The following FBXO34 variants were observed in gnomAD, a reference collection of about 807,000 sequenced individuals.
FBXO34 encodes F-box protein 34.
A neutral mutation model predicts 24.5 loss-of-function variants in FBXO34; 12 were observed. That is an observed-to-expected ratio of 0.49 (90% CI 0.31 to 0.79). The LOEUF (loss-of-function observed/expected upper bound fraction) is 0.79. Ranked by LOEUF, FBXO34 falls within the 30% of genes least tolerant of loss-of-function variation. The probability of loss-of-function intolerance (pLI) is 0.04; values close to 1 mark genes in which losing one functional copy is unlikely to be tolerated. For synonymous variants in FBXO34, 320 were observed against 311.9 expected, an observed-to-expected ratio of 1.03 and a Z score of -0.27; for missense variants, 823 against 857.7, an observed-to-expected ratio of 0.96 and a Z score of 0.51.
At chr14:55,348,289 T>C (rs1373184463) in intron 1 of FBXO34, among the ~76,000 whole-genome samples, 1 of 152,036 alleles carries the variant, frequency 6.6e-6, no homozygotes, top group East Asian at 1.9e-4. Flanking sequence ...AGTATAGCAG[T>C]GTGATCATAG....
At chr14:55,276,821 C>T (rs933358417) in intron 1 of FBXO34, among the ~76,000 whole-genome samples, 3 of 152,250 alleles carry the variant, frequency 2.0e-5, no homozygotes, top group Non-Finnish European at 2.9e-5. Context: ...ATATAGCTTC[C>T]CACAGTATCT....
the FBXO34 span, chr14:55,382,093 C>T: frequency 6.8e-6 from 11 of 1,614,136 alleles, no homozygotes; most frequent in South Asian, 1.1e-5. Flanking sequence ...ACAGACCCAT[C>T]GTCCTGAGAG....
At chr14:55,342,384 A>G (rs1884021491) in intron 1 of FBXO34, among the ~76,000 whole-genome samples, 1 of 152,210 alleles carries the variant, frequency 6.6e-6, no homozygotes, top group Non-Finnish European at 1.5e-5. Context: ...CCCAGTCCTC[A>G]TAAGGCAAAA....
chr14:55,322,989 C>T (rs770569655), intron 1 of FBXO34, among the ~76,000 whole-genome samples: 47 of 133,748 alleles, frequency 3.5e-4, no homozygotes, highest in Admixed American at 7.8e-4. Context: ...CCGGCTAACA[C>T]GGTGAAACCC....
chr14:55,310,905 AACTT>A (rs1170472561), intron 1 of FBXO34, among the ~76,000 whole-genome samples: 1 of 152,156 alleles, frequency 6.6e-6, no homozygotes, highest in Non-Finnish European at 1.5e-5. Flanking sequence ...TGACCACACT[AACTT>A]TTCTAGCTAC....
At chr14:55,379,352 A>G in the FBXO34 span, among the ~76,000 whole-genome samples, 1 of 152,018 alleles carries the variant, frequency 6.6e-6, no homozygotes, top group Non-Finnish European at 1.5e-5. Flanking sequence ...CCTGGGCAAC[A>G]TAGGGAGACC....
intron 1 of FBXO34, among the ~76,000 whole-genome samples, chr14:55,328,082 G>A (rs71412680): frequency 6.6e-6 from 1 of 151,604 alleles, no homozygotes; most frequent in Non-Finnish European, 1.5e-5. Context: ...CTCCCGAGTA[G>A]AGTAGCTGGG....
the FBXO34 span, among the ~76,000 whole-genome samples, chr14:55,420,220 A>G: frequency 6.6e-6 from 1 of 152,148 alleles, no homozygotes; most frequent in Admixed American, 6.5e-5. Context: ...ACAGGCACGC[A>G]CCACAATGCC....
the FBXO34 span, among the ~76,000 whole-genome samples, chr14:55,418,458 AACCTT>A: frequency 6.6e-6 from 1 of 152,200 alleles, no homozygotes; most frequent in African/African-American, 2.4e-5. Flanking sequence ...TATAAGTCAA[AACCTT>A]ACAAGTTTGT....
At position 55,331,721 on chromosome 14, in the gene FBXO34, ATATATATG is replaced by A. The variant is rs1226766363; in HGVS notation, c.-10-18652_-10-18645del. Among the ~76,000 whole-genome samples the A allele has an allele frequency of 9.3e-5, 4 of 43,204 alleles. 1 individual carries two copies. The highest frequency in any genetic ancestry group is 6.0e-4 in the African/African-American group (3 of 5,022). The allele number at this position is 43,204 out of a possible 152,430, so 28.3% of individuals were successfully genotyped here. On this transcript the variant is annotated intron_variant, in intron 1 of 1. Transcript: ENST00000313833. ...TATATATATGTATATATATATGTAT[ATATATATG>A]TATATATATATGTGTGTATATATAT...
chr14:55,345,403 C>T (rs1884126935), intron 1 of FBXO34, among the ~76,000 whole-genome samples: 1 of 152,174 alleles, frequency 6.6e-6, no homozygotes, highest in African/African-American at 2.4e-5. Context: ...AAAGCATCAT[C>T]CACTTTTGAA....
At chr14:55,404,558 G>T in the FBXO34 span, among the ~76,000 whole-genome samples, 1 of 152,132 alleles carries the variant, frequency 6.6e-6, no homozygotes, top group Non-Finnish European at 1.5e-5. Flanking sequence ...CAAAAGAGAC[G>T]AGATTATGAA....
At chr14:55,362,808 T>C (rs1400975972), downstream of FBXO34, among the ~76,000 whole-genome samples, 1 of 152,046 alleles carries the variant, frequency 6.6e-6, no homozygotes, top group Non-Finnish European at 1.5e-5. Flanking sequence ...AGCAACATAC[T>C]TACACTCCAG....
chr14:55,419,180 CT>C, the FBXO34 span, among the ~76,000 whole-genome samples: 1 of 152,214 alleles, frequency 6.6e-6, no homozygotes, highest in African/African-American at 2.4e-5. Flanking sequence ...GCCCAGTGGG[CT>C]CTGGAGCCTG....
chr14:55,428,791 T>A, the FBXO34 span: 1 of 1,604,368 alleles, frequency 6.2e-7, no homozygotes, highest in Admixed American at 1.7e-5. Flanking sequence ...AAGTTCAAGC[T>A]ATATAACCGT....
chr14:55,361,215 G>A (rs1252050919), intron 3 of FBXO34, among the ~76,000 whole-genome samples: 1 of 152,156 alleles, frequency 6.6e-6, no homozygotes, highest in Admixed American at 6.5e-5. Context: ...GCTGCAGAAT[G>A]GATGTTGTTA....
the FBXO34 span, among the ~76,000 whole-genome samples, chr14:55,415,148 T>C: frequency 6.6e-6 from 1 of 152,228 alleles, no homozygotes; most frequent in African/African-American, 2.4e-5. Context: ...GCAGGCACGT[T>C]GTGCTAAGGG....
At chr14:55,389,779 T>C in the FBXO34 span, among the ~76,000 whole-genome samples, 6 of 152,234 alleles carry the variant, frequency 3.9e-5, no homozygotes, top group African/African-American at 9.6e-5. Context: ...CCTAATGTAA[T>C]AGAAATGTAT....
At chr14:55,436,737 C>G in the FBXO34 span, 1 of 1,614,196 alleles carries the variant, frequency 6.2e-7, no homozygotes, top group Non-Finnish European at 8.5e-7. Context: ...TGTTTAAGCC[C>G]AGCCCAACGT....
Sources: gnomAD v4.1 joint callset for allele counts (sites outside exome capture counted in the v4.1 genomes callset) on GRCh38, gnomAD v4.1.1 for gene constraint, MANE v1.5 for transcripts, NCBI Gene and HGNC (gene_info 2026-07-23, HGNC 2026-07-21) for gene names.